Variants in DLGAP1 observed in about 807,000 individuals in gnomAD.
DLGAP1 encodes DLG associated protein 1.
In DLGAP1, 11 loss-of-function variants were observed where a neutral mutation model predicts 90.8. That is an observed-to-expected ratio of 0.12 (90% CI 0.08 to 0.20). The LOEUF (loss-of-function observed/expected upper bound fraction) is 0.20, where lower values mean the gene tolerates loss of function less well. Among genes scored for constraint, DLGAP1 ranks in the 10% least tolerant of loss-of-function variants. DLGAP1 has a pLI of 1.00. For synonymous variants in DLGAP1, 558 were observed against 540.7 expected (o/e 1.03, Z -0.44); for missense variants, 1,050 against 1,333.8 (o/e 0.79, Z 3.31).
At chr18:3,815,722 A>G (rs1381253370) in intron 4 of DLGAP1, among the ~76,000 whole-genome samples, 1 of 152,156 alleles carries the variant, frequency 6.6e-6, no homozygotes, top group African/African-American at 2.4e-5. Context: ...CATGAACTCA[A>G]CCTAGATCTC....
intron 7 of DLGAP1, among the ~76,000 whole-genome samples, chr18:3,695,115 TGTATTTTTTTA>T (rs1187662710): frequency 2.0e-5 from 3 of 151,836 alleles, no homozygotes; most frequent in Non-Finnish European, 4.4e-5. Context: ...AATTTTTTTC[TGTATTTTTTTA>T]GTAGAGACGG....
chr18:3,958,016 C>T (rs1599219686), intron 3 of DLGAP1, among the ~76,000 whole-genome samples: 1 of 152,038 alleles, frequency 6.6e-6, no homozygotes, highest in Non-Finnish European at 1.5e-5. Flanking sequence ...GCCTCAGCCT[C>T]CTGAATAGCT....
intron 2 of DLGAP1, among the ~76,000 whole-genome samples, chr18:4,099,454 C>T (rs1227830434): frequency 6.6e-6 from 1 of 152,168 alleles, no homozygotes; most frequent in Non-Finnish European, 1.5e-5. Context: ...TTTCCCAATG[C>T]GTGTAAGAGT....
At chr18:4,400,701 G>A (rs111698926) in intron 1 of DLGAP1, among the ~76,000 whole-genome samples, 3 of 152,218 alleles carry the variant, frequency 2.0e-5, no homozygotes, top group African/African-American at 7.2e-5. Flanking sequence ...GTCAGAAGTT[G>A]AGAAAATAAA....
In DLGAP1 at chr18:4,022,253, A is replaced by T. The variant is rs181107790; in HGVS notation, c.-158-17052T>A. On this transcript the variant is annotated intron_variant, in intron 2 of 12. Coordinates refer to ENST00000315677, the MANE Select transcript of DLGAP1 (RefSeq NM_004746.4). ...TATTTTATTATCGTCAATCCACAGA[A>T]TGCTTCTATTTTGTTTCATTTACTT... 4.6e-4 allele frequency among the ~76,000 whole-genome samples: 70 copies of T among 151,888 alleles called. 2 individuals carry two copies. Among genetic ancestry groups the T allele is most frequent in the Admixed American group, 4.6e-3 (70 of 15,234 alleles).
intron 1 of DLGAP1, among the ~76,000 whole-genome samples, chr18:4,333,624 T>C (rs1598920910): frequency 8.4e-6 from 1 of 118,548 alleles, no homozygotes. Flanking sequence ...ATATATATAA[T>C]TTTTTTTTTT....
chr18:3,633,693 T>C lies in DLGAP1; in HGVS notation c.1592-51445A>G, dbSNP rs149202523. Among the ~76,000 whole-genome samples the C allele has an allele frequency of 7.3e-3, 1,115 of 152,316 alleles. 19 individuals carry two copies. The highest frequency in any genetic ancestry group is 0.025 in the African/African-American group (1,024 of 41,584). On this transcript the variant is annotated intron_variant, in intron 7 of 12. Transcript: ENST00000315677. Reference sequence around the variant, plus strand: ...AGTTCCTTTATATTTTGTGATTCCTTAGATAATGTGCTAAAAGCTATAGAT... The same window carrying C: ...AGTTCCTTTATATTTTGTGATTCCTCAGATAATGTGCTAAAAGCTATAGAT...
At chr18:4,091,498 A>G (rs554257796) in intron 2 of DLGAP1, among the ~76,000 whole-genome samples, 1 of 152,150 alleles carries the variant, frequency 6.6e-6, no homozygotes, top group African/African-American at 2.4e-5. Flanking sequence ...TCACATTTCA[A>G]TTATACATAT....
chr18:3,508,256 A>G (rs1030003731), intron 11 of DLGAP1, among the ~76,000 whole-genome samples: 1 of 152,226 alleles, frequency 6.6e-6, no homozygotes, highest in Non-Finnish European at 1.5e-5. Context: ...GCTGCTTCAT[A>G]TTTTGATAAG....
At chr18:3,920,963 G>A (rs899184243) in intron 3 of DLGAP1, among the ~76,000 whole-genome samples, 10 of 152,108 alleles carry the variant, frequency 6.6e-5, no homozygotes, top group East Asian at 3.8e-4. Flanking sequence ...AACAGCTCTC[G>A]CCATCAAAAA....
intron 1 of DLGAP1, among the ~76,000 whole-genome samples, chr18:4,362,734 TA>T: frequency 6.6e-6 from 1 of 152,304 alleles, no homozygotes; most frequent in South Asian, 2.1e-4. Context: ...GATAGTAAAT[TA>T]TATGTTACGT....
chr18:3,820,493 G>T (rs1297311020), intron 4 of DLGAP1, among the ~76,000 whole-genome samples: 1 of 152,190 alleles, frequency 6.6e-6, no homozygotes, highest in Non-Finnish European at 1.5e-5. Context: ...GGGCATGAGG[G>T]ATAGGCTTCT....
chr18:3,950,174 A>T (rs1049196257), intron 3 of DLGAP1, among the ~76,000 whole-genome samples: 4 of 152,218 alleles, frequency 2.6e-5, no homozygotes, highest in African/African-American at 9.6e-5. Flanking sequence ...AAATGAGTTA[A>T]TTATGACAGA....
chr18:4,050,367 C>T (rs973180889), intron 2 of DLGAP1, among the ~76,000 whole-genome samples: 1 of 152,114 alleles, frequency 6.6e-6, no homozygotes, highest in Non-Finnish European at 1.5e-5. Context: ...TTGAAATATG[C>T]AAATACTTTT....
chr18:4,182,195 C>T (rs1330603281), intron 1 of DLGAP1, among the ~76,000 whole-genome samples: 1 of 152,124 alleles, frequency 6.6e-6, no homozygotes, highest in Admixed American at 6.5e-5. Flanking sequence ...CCCAAATGTG[C>T]CTCTTTGGCA....
At chr18:3,855,988 G>A (rs554061529) in intron 4 of DLGAP1, among the ~76,000 whole-genome samples, 1 of 152,168 alleles carries the variant, frequency 6.6e-6, no homozygotes, top group African/African-American at 2.4e-5. Flanking sequence ...CAGAAGAATC[G>A]TCTACAAAGC....
chr18:4,136,019 C>A (rs748661102), intron 2 of DLGAP1, among the ~76,000 whole-genome samples: 13 of 151,834 alleles, frequency 8.6e-5, no homozygotes, highest in African/African-American at 2.7e-4. Flanking sequence ...CCCTCCCCCT[C>A]CCCCCACCTC....
chr18:4,418,863 C>CA (rs71160964), intron 1 of DLGAP1, among the ~76,000 whole-genome samples: 14 of 150,900 alleles, frequency 9.3e-5, no homozygotes, highest in Non-Finnish European at 1.3e-4. Context: ...AAAAACAAAA[C>CA]AAAAAAAAAA....
chr18:3,597,840 C>T (rs12455764), intron 7 of DLGAP1: 17,736 of 154,280 alleles, frequency 0.11, 1,259 homozygotes, highest in Admixed American at 0.17. Flanking sequence ...GGAAAGCAGG[C>T]GTGTGGGAGG....
Sources: allele counts gnomAD v4.1 joint callset (sites outside exome capture counted in the v4.1 genomes callset), GRCh38; gene constraint gnomAD v4.1.1; transcripts MANE v1.5; gene names NCBI Gene and HGNC (gene_info 2026-07-23, HGNC 2026-07-21).